LSM2: variants seen among roughly 807,000 people sequenced by gnomAD.
LSM2 encodes U6 snRNA-associated Sm-like protein LSm2.
LSM2 carries 12 observed loss-of-function variants against 17.0 expected under a neutral mutation model. That is an observed-to-expected ratio of 0.70 (90% CI 0.45 to 1.14). LSM2 has a LOEUF of 1.14. LSM2 is among the 50% of genes most tolerant of loss of function. The pLI is 0.00. For missense variants in LSM2, 62 were observed against 111.8 expected (o/e 0.55, Z 2.01); for synonymous variants, 42 against 44.5 (o/e 0.94, Z 0.22).
At position 31,797,789 on chromosome 6, in the gene LSM2, C is replaced by G; in HGVS notation, c.256G>C (p.Ala86Pro). The G allele has an allele frequency of 6.2e-7, 1 of 1,613,026 alleles. No individual in the cohort carries two copies. Among genetic ancestry groups the G allele is most frequent in the Non-Finnish European group, 8.5e-7 (1 of 1,180,024 alleles). Residue 86 changes from alanine to proline, a missense_variant, in exon 5 of 5, where the codon GCA becomes CCA. Coordinates refer to ENST00000375661, the MANE Select transcript of LSM2 (RefSeq NM_021177.5). ...EVDTQLLQDA[A>P]RKEALQQKQ is the part of the protein sequence containing the mutation. ...TTCTGCTGCAGGGCTTCCTTCCTTG[C>G]CGCATCCTGTAGCAACTGTGTGTCG...
At chr6:31,806,448 T>G (rs1262306762) in intron 1 of LSM2, 1 of 602,716 alleles carries the variant, frequency 1.7e-6, no homozygotes, top group African/African-American at 1.9e-5. Context: ...TTCAATGAAT[T>G]GTAGAAAATA....
rs1815089359 is a variant in LSM2 at position 31,806,952 on chromosome 6, T to A, written c.-195A>T. On this transcript the variant is annotated 5_prime_UTR_variant, in exon 1 of 5. Transcript: ENST00000375661. Reference sequence around the variant, plus strand: ...TTGCGGCTGGGGAGCGCAAGCTGGGTAGAGTAGAGGGGAGGAGGAAGCCGG... The same window carrying A: ...TTGCGGCTGGGGAGCGCAAGCTGGGAAGAGTAGAGGGGAGGAGGAAGCCGG... 6 of 656,240 alleles carry A rather than the reference T, an allele frequency of 9.1e-6. No homozygotes were observed. The Admixed American group carries it at 1.9e-4, about 21-fold the overall frequency. The allele number at this position is 656,240 out of a possible 1,614,324, so 40.7% of individuals were successfully genotyped here.
chr6:31,798,394 A>C, intron 3 of LSM2, 83 bp downstream of exon 3: 12 of 1,524,098 alleles, frequency 7.9e-6, no homozygotes, highest in Non-Finnish European at 1.1e-5. Context: ...TATTAACCCT[A>C]GAGACATGAT....
rs1287289524 is a variant in LSM2, at chr6:31,806,771, C to T, written c.-14G>A. ...GGTACCCACCATGGTGCTGGCGCCGCGGGCAGCGGGCCGGACCGGGAAGAC... is the reference window on the plus strand; with the variant it reads ...GGTACCCACCATGGTGCTGGCGCCGTGGGCAGCGGGCCGGACCGGGAAGAC... On this transcript the variant is annotated 5_prime_UTR_variant, in exon 1 of 5. Coordinates refer to ENST00000375661, the MANE Select transcript of LSM2 (RefSeq NM_021177.5). The T allele has an allele frequency of 3.1e-6, 5 of 1,609,284 alleles. No individual in the cohort carries two copies. The highest frequency in any genetic ancestry group is 3.4e-6 in the Non-Finnish European group (4 of 1,178,634).
chr6:31,806,191 G>A, intron 1 of LSM2, 49 bp from the exon 2 acceptor site: 1 of 1,558,936 alleles, frequency 6.4e-7, no homozygotes, highest in Non-Finnish European at 8.8e-7. Flanking sequence ...AGCATGGTAG[G>A]GAGGAGTGTC....
At chr6:31,802,208 C>T (rs190135067) in intron 2 of LSM2, among the ~76,000 whole-genome samples, 1 of 150,432 alleles carries the variant, frequency 6.6e-6, no homozygotes, top group East Asian at 2.0e-4. Flanking sequence ...TGAACCCAGG[C>T]AGCAGAGGTT....
chr6:31,805,990 A>G (rs1165250148), intron 2 of LSM2, 85 bp downstream of exon 2: 1 of 1,214,642 alleles, frequency 8.2e-7, no homozygotes, highest in South Asian at 1.2e-5. Flanking sequence ...CACCTCGCCT[A>G]GCCCTGAAAT....
intron 3 of LSM2, 35 bp from the exon 4 acceptor site, chr6:31,798,084 ATTTTT>A: frequency 8.1e-7 from 1 of 1,239,694 alleles, no homozygotes; most frequent in Non-Finnish European, 1.1e-6. Flanking sequence ...TATTATTATT[ATTTTT>A]TTTTTTTTGA....
intron 2 of LSM2, among the ~76,000 whole-genome samples, chr6:31,802,357 G>A (rs139938004): frequency 0.029 from 4,442 of 152,212 alleles, 102 homozygotes; most frequent in Non-Finnish European, 0.045. Flanking sequence ...AGTACTTTGG[G>A]AGGCCGAGGT....
intron 2 of LSM2, among the ~76,000 whole-genome samples, chr6:31,800,386 C>T (rs1214654689): frequency 6.6e-6 from 1 of 152,056 alleles, no homozygotes; most frequent in African/African-American, 2.4e-5. Flanking sequence ...GTTTTAAAAA[C>T]GTCCTTATCT....
Position 31,806,676 on chromosome 6 carries a change from AG to A in LSM2, c.3+78del, listed in dbSNP as rs951669096. On this transcript the variant is annotated intron_variant, in intron 1 of 4. Coordinates refer to ENST00000375661, the MANE Select transcript of LSM2 (RefSeq NM_021177.5). ...AAAACTCCGGACCTAACTCCAGCCT[AG>A]GGGTACAAAGGCCAGATCCCCCGCC... 1.2e-5 allele frequency: 18 copies of A among 1,559,714 alleles called. No homozygotes were observed. The African/African-American group carries it at 2.2e-4, about 19-fold the overall frequency.
Position 31,806,095 on chromosome 6 carries a change from C to T in LSM2, c.51G>A (p.Val17=), listed in dbSNP as rs767903929. 17 of 1,612,902 alleles carry T rather than the reference C, an allele frequency of 1.1e-5. No individual in the cohort carries two copies. Among genetic ancestry groups the T allele is most frequent in the Non-Finnish European group, 1.4e-5 (17 of 1,179,918 alleles). ...FKSLVGKDVV[V]ELKNDLSICG... Reference sequence around the variant, plus strand: ...CCTACCTCAGGTCATTCTTTAGTTCCACGACCACATCCTTGCCCACAAGGG... The same window carrying T: ...CCTACCTCAGGTCATTCTTTAGTTCTACGACCACATCCTTGCCCACAAGGG... Residue 17 remains valine (V), a synonymous_variant, in exon 2 of 5, where the codon GTG becomes GTA. Transcript: ENST00000375661.
chr6:31,806,002 T>C (rs1815010129), intron 2 of LSM2, 73 bp downstream of exon 2: 13 of 1,352,644 alleles, frequency 9.6e-6, no homozygotes, highest in Non-Finnish European at 1.3e-5. Context: ...CCCTGAAATA[T>C]TTCTCAAATT....
intron 2 of LSM2, 110 bp downstream of exon 2, chr6:31,805,965 C>A: frequency 1.1e-6 from 1 of 945,736 alleles, no homozygotes; most frequent in South Asian, 1.4e-5. Flanking sequence ...CCATTTATTT[C>A]TTCTGTACAT....
chr6:31,804,772 T>C (rs1227438717), intron 2 of LSM2, among the ~76,000 whole-genome samples: 2 of 132,706 alleles, frequency 1.5e-5, no homozygotes, highest in Non-Finnish European at 1.6e-5. Flanking sequence ...TCTTTTTTTT[T>C]TTTTTTTTTT....
In LSM2 at chr6:31,798,733, C is replaced by CTTT. The variant is rs9281580; in HGVS notation, c.72-229_72-227dup. Among the ~76,000 whole-genome samples, 777 of 89,858 alleles carry CTTT rather than the reference C, an allele frequency of 8.6e-3. 9 individuals are homozygous for CTTT. The highest frequency in any genetic ancestry group is 0.011 in the Non-Finnish European group (526 of 47,424). The allele number at this position is 89,858 out of a possible 152,430, so 59.0% of individuals were successfully genotyped here. A position where few individuals can be genotyped will look rare whatever the true frequency, so the allele number is the denominator to read the frequency against. ...TCTCCTCTCCCTAAACCAATCCATT[C>CTTT]TTTTTTTTTTTTTTTTTTTTTTTGA... On this transcript the variant is annotated intron_variant, in intron 2 of 4. Transcript: ENST00000375661.
At position 31,797,484 on chromosome 6, in the gene LSM2, T is replaced by C. The variant is rs182958310; in HGVS notation, c.*273A>G. On this transcript the variant is annotated 3_prime_UTR_variant, in exon 5 of 5. Transcript: ENST00000375661. ...GCTGCCCTGGAAAGACCTAGGAAACTCTCCTACCATCTCCAGAGAAGTAGT... is the reference window on the plus strand; with the variant it reads ...GCTGCCCTGGAAAGACCTAGGAAACCCTCCTACCATCTCCAGAGAAGTAGT... The C allele has an allele frequency of 1.3e-5, 6 of 448,390 alleles. No homozygotes were observed. The East Asian group carries it at 2.2e-4, about 16-fold the overall frequency. The allele number at this position is 448,390 out of a possible 1,614,324, so 27.8% of individuals were successfully genotyped here.
At chr6:31,803,091 CA>C (rs1266899550) in intron 2 of LSM2, among the ~76,000 whole-genome samples, 1 of 152,160 alleles carries the variant, frequency 6.6e-6, no homozygotes, top group African/African-American at 2.4e-5. Flanking sequence ...TCTGTGGCCC[CA>C]ATCTATACAC....
intron 1 of LSM2, 109 bp from the exon 2 acceptor site, chr6:31,806,251 G>C: frequency 9.9e-7 from 1 of 1,013,746 alleles, no homozygotes; most frequent in Non-Finnish European, 1.5e-6. Context: ...CTGCATCCCT[G>C]ACAGTTCTCA....
Sources: gnomAD v4.1 joint callset for allele counts (sites outside exome capture counted in the v4.1 genomes callset) on GRCh38, gnomAD v4.1.1 for gene constraint, MANE v1.5 for transcripts, NCBI Gene and HGNC (gene_info 2026-07-23, HGNC 2026-07-21) for gene names.